Variants in TSEN15 observed in about 807,000 individuals in gnomAD.
TSEN15 encodes the protein tRNA-splicing endonuclease subunit Sen15.
In TSEN15, 10 loss-of-function variants were observed where a neutral mutation model predicts 20.5. That is an observed-to-expected ratio of 0.49 (90% CI 0.30 to 0.83). The LOEUF (loss-of-function observed/expected upper bound fraction) is 0.83. TSEN15 is among the 40% of genes least tolerant of loss of function. The pLI, the probability that TSEN15 is intolerant of heterozygous loss-of-function variation, is 0.06. For synonymous variants in TSEN15, 72 were observed against 80.1 expected, an observed-to-expected ratio of 0.90 and a Z score of 0.54; for missense variants, 180 against 218.6, an observed-to-expected ratio of 0.82 and a Z score of 1.11.
intron 3 of TSEN15, among the ~76,000 whole-genome samples, chr1:184,080,165 A>G (rs980258896): frequency 2.6e-5 from 4 of 152,206 alleles, no homozygotes; most frequent in Non-Finnish European, 5.9e-5. Flanking sequence ...ATTCAAGAGC[A>G]TTACAAGGAC....
chr1:184,074,936 C>T (rs970561232), downstream of TSEN15, among the ~76,000 whole-genome samples: 2 of 152,016 alleles, frequency 1.3e-5, no homozygotes, highest in Non-Finnish European at 2.9e-5. Flanking sequence ...GGAAAATTTG[C>T]AGGTCTAAGA....
At chr1:184,072,074 C>T in intron 3 of TSEN15, 83 bp from the exon 4 acceptor site, 2 of 1,396,506 alleles carry the variant, frequency 1.4e-6, no homozygotes, top group African/African-American at 1.5e-5. Flanking sequence ...GACCTGTTTT[C>T]AAGTTTTCTA....
At chr1:184,091,531 G>T (rs568593620) in intron 3 of TSEN15, among the ~76,000 whole-genome samples, 3 of 152,204 alleles carry the variant, frequency 2.0e-5, no homozygotes, top group South Asian at 2.1e-4. Context: ...ATTATTAGCT[G>T]TAGTGGCAGA....
At chr1:184,071,614 C>A (rs1165207897) in intron 3 of TSEN15, among the ~76,000 whole-genome samples, 1 of 151,378 alleles carries the variant, frequency 6.6e-6, no homozygotes, top group African/African-American at 2.4e-5. Context: ...AGAGTCATCA[C>A]TACGAAACTC....
At chr1:184,087,568 G>T (rs554386780) in intron 3 of TSEN15, among the ~76,000 whole-genome samples, 8 of 151,590 alleles carry the variant, frequency 5.3e-5, no homozygotes, top group Non-Finnish European at 8.8e-5. Context: ...TGTGTAGAAC[G>T]TGGAGGGTTG....
chr1:184,096,364 C>T (rs1028109074), exon 4 of TSEN15: 2 of 152,304 alleles, frequency 1.3e-5, no homozygotes, highest in Non-Finnish European at 2.9e-5. Context: ...ATTTCTTCCA[C>T]CTTCTCTGTG....
At chr1:184,075,594 T>C (rs1296537344), downstream of TSEN15, among the ~76,000 whole-genome samples, 1 of 152,080 alleles carries the variant, frequency 6.6e-6, no homozygotes, top group Non-Finnish European at 1.5e-5. Flanking sequence ...CAAGGCAAAC[T>C]AAAACAATTC....
At chr1:184,088,157 T>C (rs568453330) in intron 3 of TSEN15, among the ~76,000 whole-genome samples, 1 of 151,536 alleles carries the variant, frequency 6.6e-6, no homozygotes, top group African/African-American at 2.4e-5. Context: ...GCCAGGGAGG[T>C]CTGCTTCCCT....
At chr1:184,089,027 C>G (rs1651313013) in intron 3 of TSEN15, among the ~76,000 whole-genome samples, 1 of 152,212 alleles carries the variant, frequency 6.6e-6, no homozygotes, top group Non-Finnish European at 1.5e-5. Flanking sequence ...AAGGGAGCAG[C>G]TGTTGTGAAG....
intron 3 of TSEN15, among the ~76,000 whole-genome samples, chr1:184,093,250 A>G (rs1452426733): frequency 6.6e-6 from 1 of 152,196 alleles, no homozygotes; most frequent in Non-Finnish European, 1.5e-5. Flanking sequence ...CACGAGGCCC[A>G]GGTACTGAGT....
chr1:184,094,394 C>A (rs568257201), intron 3 of TSEN15: 12 of 152,356 alleles, frequency 7.9e-5, no homozygotes, highest in African/African-American at 2.9e-4. Context: ...TAAGAAAACA[C>A]AATCAACTGG....
chr1:184,055,019 C>T (rs1021615707), intron 3 of TSEN15, 156 bp downstream of exon 3: 13 of 797,730 alleles, frequency 1.6e-5, no homozygotes, highest in Middle Eastern at 3.6e-4. Context: ...GTGTTGTATT[C>T]GGCCATTCTT....
chr1:184,060,775 C>T (rs957584732), intron 3 of TSEN15, among the ~76,000 whole-genome samples: 2 of 137,070 alleles, frequency 1.5e-5, no homozygotes, highest in South Asian at 2.4e-4. Context: ...AGCTGTACCA[C>T]GGTCTCAGTT....
intron 3 of TSEN15, among the ~76,000 whole-genome samples, chr1:184,070,302 G>A (rs1650836515): frequency 6.6e-6 from 1 of 151,930 alleles, no homozygotes; most frequent in Non-Finnish European, 1.5e-5. Context: ...TTCAGAAATG[G>A]AAAATGTGTT....
At chr1:184,071,602 CTA>C (rs750164064) in intron 3 of TSEN15, among the ~76,000 whole-genome samples, 161 of 151,624 alleles carry the variant, frequency 1.1e-3, no homozygotes, top group Non-Finnish European at 1.9e-3. Context: ...ATAGTAATCT[CTA>C]GAGTCATCAC....
chr1:184,067,924 C>CAAAAAA (rs71130650), intron 3 of TSEN15, among the ~76,000 whole-genome samples: 4 of 54,848 alleles, frequency 7.3e-5, no homozygotes, highest in East Asian at 4.5e-4. Context: ...CTCTCTCTCT[C>CAAAAAA]AAAAAAAAAA....
intron 1 of TSEN15, among the ~76,000 whole-genome samples, chr1:184,052,976 T>C (rs1222561511): frequency 4.6e-5 from 7 of 152,212 alleles, no homozygotes; most frequent in Non-Finnish European, 8.8e-5. Context: ...TACTTACTTA[T>C]ACGGTTGTTA....
intron 3 of TSEN15, among the ~76,000 whole-genome samples, chr1:184,069,133 T>G (rs1243680977): frequency 6.6e-6 from 1 of 152,192 alleles, no homozygotes; most frequent in Admixed American, 6.5e-5. Context: ...TGTTTTCAAG[T>G]TAGCTATATG....
At chr1:184,083,477 T>C (rs1314996401) in intron 3 of TSEN15, among the ~76,000 whole-genome samples, 1 of 152,202 alleles carries the variant, frequency 6.6e-6, no homozygotes, top group Non-Finnish European at 1.5e-5. Context: ...TCAACATTTT[T>C]TGGGGAAATG....
Sources: allele counts gnomAD v4.1 joint callset (sites outside exome capture counted in the v4.1 genomes callset), GRCh38; gene constraint gnomAD v4.1.1; transcripts MANE v1.5; gene names NCBI Gene and HGNC (gene_info 2026-07-23, HGNC 2026-07-21).